NT5E: variants seen among roughly 807,000 people sequenced by gnomAD.
NT5E encodes 5'-nucleotidase ecto.
Under a neutral mutation model 55.1 loss-of-function variants are expected in NT5E, and 53 were observed. The observed-to-expected ratio is 0.96, with a 90% CI of 0.77 to 1.21. The LOEUF (loss-of-function observed/expected upper bound fraction) is 1.21. Ranked by LOEUF, NT5E falls within the 50% of genes most tolerant of loss-of-function variation. NT5E has a pLI of 0.00. For missense variants in NT5E, 683 were observed against 724.3 expected (o/e 0.94, Z 0.65); for synonymous variants, 270 against 278.4 (o/e 0.97, Z 0.30).
chr6:85,480,596 G>A (rs1426006490), intron 3 of NT5E, among the ~76,000 whole-genome samples: 5 of 152,316 alleles, frequency 3.3e-5, no homozygotes, highest in Admixed American at 3.3e-4. Flanking sequence ...GGGACTGGGT[G>A]CAGGGGACTT....
intron 5 of NT5E, among the ~76,000 whole-genome samples, chr6:85,487,797 C>T (rs2127724880): frequency 6.6e-6 from 1 of 152,240 alleles, no homozygotes; most frequent in Admixed American, 6.5e-5. Context: ...AGTGCCTAAA[C>T]AAAAGCCTGA....
At chr6:85,480,893 C>T (rs1295817796) in intron 3 of NT5E, among the ~76,000 whole-genome samples, 2 of 152,114 alleles carry the variant, frequency 1.3e-5, no homozygotes, top group East Asian at 1.9e-4. Flanking sequence ...GGTCCAGAAA[C>T]CAGACTGAAA....
At chr6:85,481,252 T>A (rs1370204230) in intron 3 of NT5E, among the ~76,000 whole-genome samples, 1 of 152,176 alleles carries the variant, frequency 6.6e-6, no homozygotes, top group East Asian at 1.9e-4. Context: ...TTTTTAAAAA[T>A]ACATAATTAT....
intron 1 of NT5E, among the ~76,000 whole-genome samples, chr6:85,462,830 G>T (rs559284190): frequency 6.6e-6 from 1 of 152,332 alleles, no homozygotes; most frequent in South Asian, 2.1e-4. Flanking sequence ...AAACCAAGTT[G>T]CTTGGAAACA....
intron 3 of NT5E, 82 bp downstream of exon 3, chr6:85,471,507 C>T: frequency 9.7e-7 from 1 of 1,033,728 alleles, no homozygotes; most frequent in Non-Finnish European, 1.5e-6. Context: ...TGTTATTACT[C>T]TTTTTACTGC....
At chr6:85,482,517 C>T (rs1769570181) in intron 3 of NT5E, among the ~76,000 whole-genome samples, 1 of 152,194 alleles carries the variant, frequency 6.6e-6, no homozygotes, top group African/African-American at 2.4e-5. Flanking sequence ...CACTTAGGTT[C>T]ACCACAGTCC....
intron 1 of NT5E, among the ~76,000 whole-genome samples, chr6:85,461,246 C>T (rs1424268249): frequency 6.6e-6 from 1 of 152,172 alleles, no homozygotes; most frequent in Non-Finnish European, 1.5e-5. Flanking sequence ...CCCTGGCAGC[C>T]CCATCCATGT....
At chr6:85,463,888 A>G (rs920450228) in intron 1 of NT5E, among the ~76,000 whole-genome samples, 1 of 152,184 alleles carries the variant, frequency 6.6e-6, no homozygotes, top group East Asian at 1.9e-4. Flanking sequence ...AGTATTTACA[A>G]AGGAATTTGT....
chr6:85,485,537 T>C (rs1769635572), intron 4 of NT5E, 105 bp downstream of exon 4: 2 of 1,119,246 alleles, frequency 1.8e-6, no homozygotes, highest in African/African-American at 3.1e-5. Flanking sequence ...AAGACTATAA[T>C]ACTGTTGAAG....
Position 85,493,827 on chromosome 6 carries a change from A to C in NT5E, c.1562-14A>C. The stretch of plus-strand genomic sequence containing the variant: ...ACCTTTTCTGTAGTTAAAATAATGT[A>C]TATGTTTTTCTAGGTGACCAAGATA... On this transcript the variant is annotated splice_polypyrimidine_tract_variant and intron_variant, in intron 8 of 8. Transcript: ENST00000257770. The C allele has an allele frequency of 1.2e-6, 2 of 1,601,348 alleles. No homozygotes were observed. The highest frequency in any genetic ancestry group is 1.7e-6 in the Non-Finnish European group (2 of 1,168,586).
At chr6:85,471,128 CTT>C (rs1358613894) in intron 2 of NT5E, 107 bp from the exon 3 acceptor site, 10 of 710,626 alleles carry the variant, frequency 1.4e-5, no homozygotes, top group Non-Finnish European at 8.8e-6. Flanking sequence ...TTTACTGACT[CTT>C]GAGCTTTAGT....
In NT5E at chr6:85,467,134, A is replaced by G. The variant is rs766471005; in HGVS notation, c.414A>G (p.Pro138=). 5.0e-6 allele frequency: 8 copies of G among 1,614,196 alleles called. No individual in the cohort carries two copies. The East Asian group carries it at 1.8e-4, about 36-fold the overall frequency. ...CACTCCTCAAAGAGGCCAAATTTCC[A>G]ATTCTGAGTGCAAACATTAAAGCAA... ...IEPLLKEAKF[P]ILSANIKAKG... The change falls in exon 2 of 9, where the codon CCA becomes CCG. Residue 138 remains proline (P), a synonymous_variant. Transcript: ENST00000257770.
chr6:85,487,184 A>T, intron 4 of NT5E, 151 bp from the exon 5 acceptor site: 1 of 697,090 alleles, frequency 1.4e-6, no homozygotes, highest in Non-Finnish European at 2.5e-6. Flanking sequence ...GAAGTTCCTA[A>T]GGAAATTTCA....
chr6:85,481,891 A>T (rs1769557991), intron 3 of NT5E, among the ~76,000 whole-genome samples: 1 of 152,250 alleles, frequency 6.6e-6, no homozygotes, highest in Non-Finnish European at 1.5e-5. Flanking sequence ...AGAAAGAAGC[A>T]TAGAAGAGAC....
In NT5E at chr6:85,471,308, G is replaced by A. The variant is rs747693760; in HGVS notation, c.634G>A (p.Val212Met). 1 of 1,612,852 alleles carries A rather than the reference G, an allele frequency of 6.2e-7. No homozygotes were observed. The highest frequency in any genetic ancestry group is 8.5e-7 in the Non-Finnish European group (1 of 1,179,116). Residue 212 changes from valine to methionine, a missense_variant, in exon 3 of 9, where the codon GTG becomes ATG. Transcript: ENST00000257770. Reference protein sequence around the residue: ...PEVDKLKTLNVNKIIALGHSG... With the variant: ...PEVDKLKTLNMNKIIALGHSG... Reference sequence around the variant, plus strand: ...AGTAGATAAGTTAAAAACTCTAAATGTGAACAAAATTATTGCACTGGGACA... The same window carrying A: ...AGTAGATAAGTTAAAAACTCTAAATATGAACAAAATTATTGCACTGGGACA...
At position 85,450,398 on chromosome 6, in the gene NT5E, T is replaced by C; in HGVS notation, c.259T>C (p.Tyr87His). ...GCTGCTGCTGGACGCCGGCGACCAGTACCAGGGCACTATCTGGTTCACCGT... is the reference window on the plus strand; with the variant it reads ...GCTGCTGCTGGACGCCGGCGACCAGCACCAGGGCACTATCTGGTTCACCGT... ...NVLLLDAGDQ[Y>H]QGTIWFTVYK... The change falls in exon 1 of 9, where the codon TAC becomes CAC. Residue 87 changes from tyrosine to histidine, a missense_variant. Tyr to His is a moderately conservative substitution (Grantham distance 83). Coordinates refer to ENST00000257770, the MANE Select transcript of NT5E (RefSeq NM_002526.4). The surrounding 1 kb of genome is among the most constrained non-coding windows in gnomAD (Gnocchi z 4.0). The C allele has an allele frequency of 1.2e-6, 2 of 1,602,278 alleles. No individual in the cohort carries two copies. Among genetic ancestry groups the C allele is most frequent in the South Asian group, 1.1e-5 (1 of 88,600 alleles).
chr6:85,493,950 C>T lies in NT5E; in HGVS notation c.1671C>T (p.Ser557=), dbSNP rs917999237. 6.2e-7 allele frequency: 1 copy of T among 1,613,930 alleles called. No homozygotes were observed. Among genetic ancestry groups the T allele is most frequent in the Non-Finnish European group, 8.5e-7 (1 of 1,179,984 alleles). The change falls in exon 9 of 9, where the codon AGC becomes AGT. Residue 557 remains serine, a synonymous_variant. Transcript: ENST00000257770. The stretch of plus-strand genomic sequence containing the variant: ...CCACAGGAAGTCACTGCCATGGAAG[C>T]TTTTCTTTAATATTTCTTTCACTTT... ...KFSTGSHCHG[S]FSLIFLSLWA... is the part of the protein sequence containing the mutation.
chr6:85,471,275 C>T lies in NT5E; in HGVS notation c.601C>T (p.Gln201Ter). Residue 201 changes from glutamine to a stop codon, truncating the protein, a stop_gained, in exon 3 of 9, where the codon CAA (glutamine) becomes TAA (stop). Coordinates refer to ENST00000257770, the MANE Select transcript of NT5E (RefSeq NM_002526.4). LOFTEE classifies it high-confidence loss of function. ...GTTTGAAGATGAAATCACTGCATTA[C>T]AACCTGAAGTAGATAAGTTAAAAAC... ...LVFEDEITAL[Q>*]PEVDKLKTLN... 1 of 1,611,034 alleles carries T rather than the reference C, an allele frequency of 6.2e-7. No homozygotes were observed. The highest frequency in any genetic ancestry group is 1.1e-5 in the South Asian group (1 of 90,574).
chr6:85,493,772 A>C, intron 8 of NT5E, 69 bp from the exon 9 acceptor site: 1 of 1,370,916 alleles, frequency 7.3e-7, no homozygotes, highest in East Asian at 2.3e-5. Context: ...TTATAATTAC[A>C]AAGGACTACC....
Sources: gnomAD v4.1 joint callset for allele counts (sites outside exome capture counted in the v4.1 genomes callset) on GRCh38, gnomAD v4.1.1 for gene constraint, Gnocchi (gnomAD v3.1) non-coding constraint, MANE v1.5 for transcripts, NCBI Gene and HGNC (gene_info 2026-07-23, HGNC 2026-07-21) for gene names.